Variants in NEXMIF observed in about 807,000 individuals in gnomAD.
NEXMIF encodes the protein XLMR protein related to neurite extension.
A neutral mutation model predicts 62.1 loss-of-function variants in NEXMIF; 8 were observed. That is an observed-to-expected ratio of 0.13 (90% CI 0.08 to 0.23). The LOEUF (loss-of-function observed/expected upper bound fraction) is 0.23, where lower values mean the gene tolerates loss of function less well. Ranked by LOEUF, NEXMIF falls within the 10% of genes least tolerant of loss-of-function variation. NEXMIF has a pLI of 1.00. For synonymous variants in NEXMIF, 404 were observed against 416.6 expected (o/e 0.97, Z 0.37); for missense variants, 976 against 1,113.3 (o/e 0.88, Z 1.75).
chrX:74,909,254 A>C (rs1450990327), intron 1 of NEXMIF, among the ~76,000 whole-genome samples: 1 of 111,735 alleles, frequency 8.9e-6, no homozygotes, highest in Non-Finnish European at 1.9e-5. Flanking sequence ...GCTTTGACAA[A>C]AATGCTGACA....
chrX:74,796,182 C>CT (rs1284232077), intron 1 of NEXMIF, among the ~76,000 whole-genome samples: 2 of 58,414 alleles, frequency 3.4e-5, no homozygotes, highest in Non-Finnish European at 3.0e-5. Context: ...TATATATATA[C>CT]ATATATATTA....
intron 1 of NEXMIF, among the ~76,000 whole-genome samples, chrX:74,863,911 C>A (rs1026938389): frequency 3.6e-5 from 4 of 112,159 alleles, no homozygotes; most frequent in Non-Finnish European, 5.6e-5. Flanking sequence ...AGCTTATTCA[C>A]CACAATCAAG....
intron 1 of NEXMIF, among the ~76,000 whole-genome samples, chrX:74,884,678 C>T (rs898337742): frequency 9.0e-6 from 1 of 111,569 alleles, no homozygotes; most frequent in Admixed American, 9.5e-5. Context: ...GTGACTTAGA[C>T]TCCCACACAA....
rs765311704 is a variant in NEXMIF at position 74,741,876 on chromosome X, G to A, written c.2681C>T (p.Thr894Ile). The change falls in exon 3 of 4, where the codon ACT (threonine) becomes ATT (isoleucine). Residue 894 changes from threonine (T) to isoleucine (I), a missense_variant. By Grantham distance (89) the Thr-to-Ile change is moderately conservative (BLOSUM62 -1). This residue lies in a region of NEXMIF where 639 missense variants were observed against 694.5 expected (regional missense o/e 0.92). Transcript: ENST00000055682. Reference sequence around the variant, plus strand: ...AGCCATGAATTCCTGGGTGCCAGAAGTAGCCTTGTTGGGCCACACATTTCT... The same window carrying A: ...AGCCATGAATTCCTGGGTGCCAGAAATAGCCTTGTTGGGCCACACATTTCT... ...NYRNVWPNKA[T>I]SGTQEFMAEV... 8.3e-7 allele frequency: 1 copy of A among 1,211,895 alleles called. No individual in the cohort carries two copies. The highest frequency in any genetic ancestry group is 1.1e-6 in the Non-Finnish European group (1 of 895,436).
intron 1 of NEXMIF, among the ~76,000 whole-genome samples, chrX:74,906,111 T>C (rs752145522): frequency 2.0e-5 from 2 of 101,818 alleles, no homozygotes; most frequent in African/African-American, 6.9e-5. Context: ...CTCTACACAA[T>C]TTTTTTTTTA....
chrX:74,741,208 T>G lies in NEXMIF; in HGVS notation c.3349A>C (p.Ser1117Arg), dbSNP rs1466859727. The change falls in exon 3 of 4, where the codon AGT becomes CGT. Residue 1117 changes from serine to arginine, a missense_variant. Ser to Arg is a moderately radical substitution (Grantham distance 110). Transcript: ENST00000055682. ...ATTTGGACCTGCCGTGAAAGGGTAC[T>G]GCAGTCCCACTTGATTTTTTCCACA... Reference protein sequence around the residue: ...DSVEKIKWDCSTLSRQVQMED... With the variant: ...DSVEKIKWDCRTLSRQVQMED... 1 of 1,211,684 alleles carries G rather than the reference T, an allele frequency of 8.3e-7. No homozygotes were observed.
chrX:74,808,159 C>G (rs1298894597), intron 1 of NEXMIF, among the ~76,000 whole-genome samples: 2 of 111,077 alleles, frequency 1.8e-5, no homozygotes, highest in Non-Finnish European at 3.8e-5. Flanking sequence ...ATCCCAGCAC[C>G]TTGGGAGGCC....
In NEXMIF at chrX:74,739,372, A is replaced by G. The variant is rs747470926; in HGVS notation, c.*33T>C. On this transcript the variant is annotated 3_prime_UTR_variant, in exon 4 of 4. Transcript: ENST00000055682. ...ACTTACATGTCAACATACATACCAC[A>G]AGGCATATTTTGAAAGAAATAAAAC... 1.1e-5 allele frequency: 11 copies of G among 1,024,533 alleles called. No individual in the cohort carries two copies. The Admixed American group carries it at 2.5e-4, about 23-fold the overall frequency. The allele number at this position is 1,024,533 out of a possible 1,213,427, so 84.4% of individuals were successfully genotyped here.
chrX:74,827,501 C>T (rs1569350828), intron 1 of NEXMIF, among the ~76,000 whole-genome samples: 2 of 112,135 alleles, frequency 1.8e-5, no homozygotes, highest in Admixed American at 9.5e-5. Context: ...TATAGTATTC[C>T]TCTGATCTAC....
In NEXMIF at chrX:74,740,483, C is replaced by A. The variant is rs1315310568; in HGVS notation, c.4074G>T (p.Glu1358Asp). Residue 1358 changes from glutamate (E) to aspartate (D), a missense_variant, in exon 3 of 4, where the codon GAG becomes GAT. Transcript: ENST00000055682. ...HGDPNIFYSP[E>D]SNSLKLKTLK... The stretch of plus-strand genomic sequence containing the variant: ...GGGTTTTTAATTTTAGACTATTGGA[C>A]TCAGGGGAGTAGAATATGTTGGGAT... 1.5e-5 allele frequency: 18 copies of A among 1,211,460 alleles called. No individual in the cohort carries two copies. Among genetic ancestry groups the A allele is most frequent in the Admixed American group, 4.3e-5 (2 of 46,013 alleles).
intron 1 of NEXMIF, among the ~76,000 whole-genome samples, chrX:74,846,403 C>T (rs754728479): frequency 2.7e-5 from 3 of 111,873 alleles, no homozygotes; most frequent in Non-Finnish European, 5.6e-5. Context: ...CTTCTCAAGA[C>T]CACTCTAGCC....
At chrX:74,876,966 T>C (rs2080637733) in intron 1 of NEXMIF, among the ~76,000 whole-genome samples, 1 of 111,784 alleles carries the variant, frequency 8.9e-6, no homozygotes, top group East Asian at 2.8e-4. Flanking sequence ...CTGTGTCTTT[T>C]AATTGGAGCA....
chrX:74,887,760 C>T (rs1191722274), intron 1 of NEXMIF, among the ~76,000 whole-genome samples: 2 of 111,864 alleles, frequency 1.8e-5, no homozygotes, highest in East Asian at 2.8e-4. Flanking sequence ...GGATCTAGAA[C>T]TAGAAACACC....
At chrX:74,851,784 C>T (rs981057247) in intron 1 of NEXMIF, among the ~76,000 whole-genome samples, 8 of 111,259 alleles carry the variant, frequency 7.2e-5, no homozygotes, top group African/African-American at 2.6e-4. Context: ...CAAAAAGACA[C>T]AAAAGTATAA....
In NEXMIF at chrX:74,895,291, C is replaced by G. The variant is rs368972593; in HGVS notation, c.-48+29592G>C. The stretch of plus-strand genomic sequence containing the variant: ...TCTCTACAATGAAAAATATAAAGCA[C>G]TGATAAGAGAAATTGAAAAGGACAC... On this transcript the variant is annotated intron_variant, in intron 1 of 3. Coordinates refer to ENST00000055682, the MANE Select transcript of NEXMIF (RefSeq NM_001008537.3). 1.3e-4 allele frequency among the ~76,000 whole-genome samples: 15 copies of G among 111,677 alleles called. No homozygotes were observed. In the East Asian group the frequency reaches 4.2e-3, roughly 31 times the overall value.
At chrX:74,867,078 A>C (rs1290211576) in intron 1 of NEXMIF, among the ~76,000 whole-genome samples, 4 of 111,907 alleles carry the variant, frequency 3.6e-5, no homozygotes, top group African/African-American at 1.3e-4. Flanking sequence ...TAACATGGGA[A>C]GTGAAGGACC....
At chrX:74,875,498 G>A (rs1489293020) in intron 1 of NEXMIF, among the ~76,000 whole-genome samples, 23 of 111,867 alleles carry the variant, frequency 2.1e-4, no homozygotes, top group African/African-American at 5.9e-4. Context: ...TCAGGATGAC[G>A]CTGGCCTCAT....
chrX:74,817,036 G>T (rs1364860152), intron 1 of NEXMIF, among the ~76,000 whole-genome samples: 1 of 111,654 alleles, frequency 9.0e-6, no homozygotes, highest in Non-Finnish European at 1.9e-5. Context: ...ACCCTATTTT[G>T]TCTTCGTTTG....
intron 1 of NEXMIF, among the ~76,000 whole-genome samples, chrX:74,872,814 C>A (rs1243519104): frequency 1.8e-5 from 2 of 109,517 alleles, no homozygotes; most frequent in African/African-American, 6.6e-5. Context: ...TACTATGTGT[C>A]AACAAAAATT....
Sources: allele counts gnomAD v4.1 joint callset (sites outside exome capture counted in the v4.1 genomes callset), GRCh38; gene constraint gnomAD v4.1.1; regional missense constraint gnomAD v4.1.1; transcripts MANE v1.5; gene names NCBI Gene and HGNC (gene_info 2026-07-23, HGNC 2026-07-21).